The following WNT2B variants were observed in gnomAD, a reference collection of about 807,000 sequenced individuals.
WNT2B encodes the protein protein Wnt-2b.
WNT2B carries 19 observed loss-of-function variants against 40.5 expected under a neutral mutation model. The observed-to-expected ratio is 0.47, with a 90% confidence interval of 0.33 to 0.69. The LOEUF (loss-of-function observed/expected upper bound fraction) is 0.69, where lower values mean the gene tolerates loss of function less well. Among genes scored for constraint, WNT2B ranks in the 30% least tolerant of loss-of-function variants. The pLI is 0.02. For missense variants in WNT2B, 467 were observed against 556.4 expected, an observed-to-expected ratio of 0.84 and a Z score of 1.62; for synonymous variants, 220 against 211.9, an observed-to-expected ratio of 1.04 and a Z score of -0.33.
chr1:112,487,797 G>A (rs1204763115), intron 1 of WNT2B, among the ~76,000 whole-genome samples: 1 of 151,728 alleles, frequency 6.6e-6, no homozygotes, highest in African/African-American at 2.4e-5. Flanking sequence ...GCCAGGCATG[G>A]TGGCACATGC....
chr1:112,512,382 G>GA (rs1237431592), intron 1 of WNT2B, among the ~76,000 whole-genome samples: 11 of 152,368 alleles, frequency 7.2e-5, no homozygotes, highest in Admixed American at 2.6e-4. Context: ...GGATCATGGT[G>GA]AAATGCAGAT....
At position 112,528,049 on chromosome 1, in the gene WNT2B, T is replaced by A. The variant is rs1319341476; in HGVS notation, c.*7540T>A. The A allele has an allele frequency of 6.6e-6, 1 of 152,100 alleles. No homozygotes were observed. Among genetic ancestry groups the A allele is most frequent in the Non-Finnish European group, 1.5e-5 (1 of 68,016 alleles). 9.4% of individuals were successfully genotyped at this position (152,100 alleles called of 1,614,324 possible). A position where few individuals can be genotyped will look rare whatever the true frequency, so the allele number is the denominator to read the frequency against. ...TACAGAAGCAACAATTACAATAAAA[T>A]GAAACAGTTTAATGGACTAGGAAGC... is the stretch of plus-strand genomic sequence containing the variant. On this transcript the variant is annotated 3_prime_UTR_variant, in exon 5 of 5. Coordinates refer to ENST00000369684, the MANE Select transcript of WNT2B (RefSeq NM_024494.3).
In WNT2B at chr1:112,509,704, A is replaced by AC. The variant is rs1214579113; in HGVS notation, c.182+265dup. 3.9e-5 allele frequency among the ~76,000 whole-genome samples: 6 copies of AC among 152,050 alleles called. No individual in the cohort carries two copies. The highest frequency in any genetic ancestry group is 1.5e-5 in the Non-Finnish European group (1 of 67,966). ...GGCTCCTTAGGCCTCCACGTGCTGT[A>AC]CCCCCTCTATTTCAGCTCAAGCCCC... On this transcript the variant is annotated intron_variant, in intron 1 of 4. Transcript: ENST00000369684. This position sits in a 1 kb window ranked among gnomAD's most constrained non-coding sequence, Gnocchi z 4.2.
Position 112,517,188 on chromosome 1 carries a change from C to G in WNT2B, c.749C>G (p.Thr250Ser). The change falls in exon 4 of 5, where the codon ACC (threonine) becomes AGC (serine). Residue 250 changes from threonine (T) to serine (S), a missense_variant. Transcript: ENST00000369684. ...GTGAGTGGTTCCTGTACTCTGCGCA[C>G]CTGCTGGCGTGCACTCTCAGATTTC... ...HGVSGSCTLR[T>S]CWRALSDFRR... The G allele has an allele frequency of 6.2e-7, 1 of 1,614,200 alleles. No individual in the cohort carries two copies. The highest frequency in any genetic ancestry group is 8.5e-7 in the Non-Finnish European group (1 of 1,180,044).
rs984737382 is a variant in WNT2B at position 112,526,200 on chromosome 1, G to T, written c.*5691G>T. 45 of 1,571,640 alleles carry T rather than the reference G, an allele frequency of 2.9e-5. No individual in the cohort carries two copies. The highest frequency in any genetic ancestry group is 3.9e-5 in the Non-Finnish European group (45 of 1,157,290). ...GTATATCTGAGCACAGTTTACAAAGGAACAGCCTAGGCCCTCCTGAACCTT... is the reference window on the plus strand; with the variant it reads ...GTATATCTGAGCACAGTTTACAAAGTAACAGCCTAGGCCCTCCTGAACCTT... On this transcript the variant is annotated 3_prime_UTR_variant, in exon 5 of 5. Transcript: ENST00000369684.
At position 112,517,380 on chromosome 1, in the gene WNT2B, C is replaced by T; in HGVS notation, c.941C>T (p.Ala314Val). The T allele has an allele frequency of 3.7e-6, 6 of 1,600,090 alleles. No homozygotes were observed. The highest frequency in any genetic ancestry group is 5.1e-6 in the Non-Finnish European group (6 of 1,168,870). The change falls in exon 4 of 5, where the codon GCT becomes GTT. Residue 314 changes from alanine to valine, a missense_variant. This residue lies in a region of WNT2B where 330 missense variants were observed against 438.6 expected (regional missense o/e 0.75). Coordinates refer to ENST00000369684, the MANE Select transcript of WNT2B (RefSeq NM_024494.3). ...CCAGATTACTGTGTCTTGGACAAGG[C>T]TGCAGGTGAGTAAGGAAGGCAGGCA... is the stretch of plus-strand genomic sequence containing the variant. Reference protein sequence around the residue: ...NSPDYCVLDKAAGSLGTAGRV... With the variant: ...NSPDYCVLDKVAGSLGTAGRV...
chr1:112,481,498 G>A (rs868213446), intron 1 of WNT2B, among the ~76,000 whole-genome samples: 2 of 152,116 alleles, frequency 1.3e-5, no homozygotes, highest in Non-Finnish European at 2.9e-5. Context: ...CTGGTACAAG[G>A]CAAGGATGCC....
upstream of WNT2B, among the ~76,000 whole-genome samples, chr1:112,506,540 C>CA (rs1652110883): frequency 6.6e-6 from 1 of 152,170 alleles, no homozygotes; most frequent in Non-Finnish European, 1.5e-5. Context: ...ACACCCAGGT[C>CA]TAAACACACA....
intron 4 of WNT2B, among the ~76,000 whole-genome samples, chr1:112,519,879 T>C (rs1005417332): frequency 3.5e-4 from 52 of 148,752 alleles, no homozygotes; most frequent in Middle Eastern, 3.4e-3. Context: ...CTTCTTTTTT[T>C]TTTTTTTTTT....
Position 112,509,060 on chromosome 1 carries a change from C to T in WNT2B, c.-203C>T. The T allele has an allele frequency of 7.4e-7, 1 of 1,355,418 alleles. No homozygotes were observed. Among genetic ancestry groups the T allele is most frequent in the Non-Finnish European group, 9.4e-7 (1 of 1,063,404 alleles). The allele number at this position is 1,355,418 out of a possible 1,614,324, so 84.0% of individuals were successfully genotyped here. ...GCCCCAGACCCCGGGTTCGGCACGC[C>T]GTCGTCGGCTTCCGGACATCGCAAC... On this transcript the variant is annotated 5_prime_UTR_variant, in exon 1 of 5. Transcript: ENST00000369684. The surrounding 1 kb of genome is among the most constrained non-coding windows in gnomAD (Gnocchi z 4.2).
At chr1:112,512,747 T>C (rs922053673) in intron 1 of WNT2B, among the ~76,000 whole-genome samples, 2 of 152,154 alleles carry the variant, frequency 1.3e-5, no homozygotes, top group African/African-American at 4.8e-5. Context: ...CAGGCATGTG[T>C]TGAACTGAGA....
At chr1:112,510,108 G>C (rs1380830231) in intron 1 of WNT2B, among the ~76,000 whole-genome samples, 1 of 152,072 alleles carries the variant, frequency 6.6e-6, no homozygotes, top group Non-Finnish European at 1.5e-5. Context: ...TCCCCTCCAA[G>C]AGCCAGAGGG....
chr1:112,507,747 G>A (rs1038050750), upstream of WNT2B, among the ~76,000 whole-genome samples: 4 of 152,212 alleles, frequency 2.6e-5, no homozygotes, highest in African/African-American at 7.2e-5. Context: ...TTTACCCCAG[G>A]ACTTTAAAAT....
intron 1 of WNT2B, among the ~76,000 whole-genome samples, chr1:112,480,170 C>T (rs537325956): frequency 6.6e-6 from 1 of 151,862 alleles, no homozygotes; most frequent in South Asian, 2.1e-4. Flanking sequence ...AGTTCAAGAC[C>T]AGCCTTGCCA....
At chr1:112,487,662 G>A (rs143050529) in intron 1 of WNT2B, among the ~76,000 whole-genome samples, 8,239 of 152,244 alleles carry the variant, frequency 0.054, 265 homozygotes, top group Middle Eastern at 0.095. Context: ...GCTGGGTGTG[G>A]TAGCTCACGC....
chr1:112,490,576 G>A (rs1275331056), intron 1 of WNT2B, among the ~76,000 whole-genome samples: 1 of 149,702 alleles, frequency 6.7e-6, no homozygotes, highest in African/African-American at 2.5e-5. Context: ...TGCAAGCTCC[G>A]CCTCCCGGGT....
rs1433425149 is a variant in WNT2B, at chr1:112,528,777, A to C, written c.*8268A>C. On this transcript the variant is annotated 3_prime_UTR_variant, in exon 5 of 5. Transcript: ENST00000369684. ...TGGTCCTACATATTCTACTTGGTATATTGAATTTTTGCAGCTAGCAGATTT... is the reference window on the plus strand; with the variant it reads ...TGGTCCTACATATTCTACTTGGTATCTTGAATTTTTGCAGCTAGCAGATTT... 1.3e-5 allele frequency: 2 copies of C among 152,196 alleles called. No individual in the cohort carries two copies. The highest frequency in any genetic ancestry group is 2.9e-5 in the Non-Finnish European group (2 of 68,018). 9.4% of individuals were successfully genotyped at this position (152,196 alleles called of 1,614,324 possible). A position where few individuals can be genotyped will look rare whatever the true frequency, so the allele number is the denominator to read the frequency against.
upstream of WNT2B, among the ~76,000 whole-genome samples, chr1:112,506,198 C>T (rs538772411): frequency 3.3e-5 from 5 of 152,124 alleles, no homozygotes; most frequent in East Asian, 5.8e-4. Flanking sequence ...TGGGTCTCAC[C>T]GTATTGACCA....
chr1:112,469,451 T>C (rs1650805831), intron 1 of WNT2B, among the ~76,000 whole-genome samples: 1 of 152,236 alleles, frequency 6.6e-6, no homozygotes, highest in African/African-American at 2.4e-5. Flanking sequence ...ATACTAATTA[T>C]ACTAGTCCAT....
Sources: gnomAD v4.1 joint callset for allele counts (sites outside exome capture counted in the v4.1 genomes callset) on GRCh38, gnomAD v4.1.1 for gene constraint, gnomAD v4.1.1 regional missense constraint, Gnocchi (gnomAD v3.1) non-coding constraint, MANE v1.5 for transcripts, NCBI Gene and HGNC (gene_info 2026-07-23, HGNC 2026-07-21) for gene names.